Variants in OTOA observed in about 807,000 individuals in gnomAD.
The protein encoded by OTOA is otoancorin.
OTOA carries 70 observed loss-of-function variants against 110.8 expected under a neutral mutation model. The ratio of observed to expected loss-of-function variants is 0.63; its 90% CI spans 0.52 to 0.77. The LOEUF is 0.77. OTOA is among the 30% of genes least tolerant of loss of function. The pLI is 0.00. For synonymous variants in OTOA, 373 were observed against 431.5 expected (o/e 0.86, Z 1.68); for missense variants, 917 against 1,075.8 (o/e 0.85, Z 2.06).
In OTOA at chr16:21,696,190, G is replaced by T. The variant is rs1428110033; in HGVS notation, c.740-1585G>T. 6.6e-5 allele frequency among the ~76,000 whole-genome samples: 10 copies of T among 152,032 alleles called. No homozygotes were observed. The East Asian group carries it at 1.2e-3, about 18-fold the overall frequency. On this transcript the variant is annotated intron_variant, in intron 9 of 28. Transcript: ENST00000646100. ...TTACAGGCTTGAGCCACCGCACCTG[G>T]CTGACTTGATGGTTTTTAAAATTCC...
chr16:21,671,408 G>A (rs1240613484), intron 1 of OTOA, among the ~76,000 whole-genome samples: 1 of 151,612 alleles, frequency 6.6e-6, no homozygotes, highest in Non-Finnish European at 1.5e-5. Flanking sequence ...CCAACATGGT[G>A]GGAGCCTGTC....
chr16:21,675,560 C>G (rs1966856217), intron 1 of OTOA, among the ~76,000 whole-genome samples: 1 of 151,940 alleles, frequency 6.6e-6, no homozygotes, highest in African/African-American at 2.4e-5. Flanking sequence ...TTAATTTTTT[C>G]AGTCTTTTTC....
In OTOA at chr16:21,695,866, GAT is replaced by G. The variant is rs71151648; in HGVS notation, c.740-1884_740-1883del. Among the ~76,000 whole-genome samples the G allele has an allele frequency of 9.5e-4, 69 of 72,720 alleles. 3 individuals carry two copies. The highest frequency in any genetic ancestry group is 1.9e-3 in the African/African-American group (30 of 15,886). 47.7% of individuals were successfully genotyped at this position (72,720 alleles called of 152,430 possible). Reference sequence around the variant, plus strand: ...ACTTGAAGTCTGATCCTAGACTTGAGATATATATATATATATATATATATATT... The same window carrying G: ...ACTTGAAGTCTGATCCTAGACTTGAGATATATATATATATATATATATATT... On this transcript the variant is annotated intron_variant, in intron 9 of 28. Coordinates refer to ENST00000646100, the MANE Select transcript of OTOA (RefSeq NM_144672.4).
At chr16:21,736,803 C>T (rs1334766936) in intron 22 of OTOA, among the ~76,000 whole-genome samples, 2 of 152,254 alleles carry the variant, frequency 1.3e-5, no homozygotes, top group African/African-American at 4.8e-5. Flanking sequence ...TGCACTCCAG[C>T]CTGGGTGACA....
At position 21,687,510 on chromosome 16, in the gene OTOA, G is replaced by C. The variant is rs1365857107; in HGVS notation, c.497G>C (p.Arg166Thr). 2 of 1,614,056 alleles carry C rather than the reference G, an allele frequency of 1.2e-6. No homozygotes were observed. The highest frequency in any genetic ancestry group is 2.2e-5 in the East Asian group (1 of 44,874). Residue 166 changes from arginine (R) to threonine (T), a missense_variant, in exon 8 of 29, where the codon AGG (arginine) becomes ACG (threonine). Arg to Thr is a moderately conservative substitution (Grantham distance 71). Transcript: ENST00000646100. ...NRSLFLITLE[R>T]CFQMLNSLEC... is the part of the protein sequence containing the mutation. The stretch of plus-strand genomic sequence containing the variant: ...AGCCTGTTTCTCATCACACTGGAGA[G>C]GTGTTTCCAGATGCTGAACTCCCTG...
intron 1 of OTOA, among the ~76,000 whole-genome samples, chr16:21,670,741 G>A (rs1320179276): frequency 6.6e-6 from 1 of 152,154 alleles, no homozygotes; most frequent in East Asian, 1.9e-4. Context: ...TATTATAGCT[G>A]TGCTTGGTGC....
chr16:21,686,116 G>C (rs1020396451), intron 7 of OTOA, among the ~76,000 whole-genome samples: 2 of 152,166 alleles, frequency 1.3e-5, no homozygotes, highest in Middle Eastern at 3.4e-3. Flanking sequence ...ACTTAAAAAA[G>C]GTAAGTCATT....
intron 10 of OTOA, among the ~76,000 whole-genome samples, chr16:21,699,644 C>A (rs1020024279): frequency 6.7e-6 from 1 of 149,436 alleles, no homozygotes; most frequent in South Asian, 2.1e-4. Flanking sequence ...CTTGGCCGGG[C>A]GCAGTGGCTC....
chr16:21,722,155 G>T (rs566442154), intron 17 of OTOA, among the ~76,000 whole-genome samples: 7 of 150,260 alleles, frequency 4.7e-5, no homozygotes, highest in Non-Finnish European at 1.0e-4. Context: ...CTAGCTACTC[G>T]GGAGGCTGAC....
At position 21,731,618 on chromosome 16, in the gene OTOA, C is replaced by T. The variant is rs200073839; in HGVS notation, c.2301+688C>T. On this transcript the variant is annotated intron_variant, in intron 21 of 28. Transcript: ENST00000646100. ...TTAAGTCCTAGGTTGGAAGTTGGCA[C>T]GCTGTCACTTCTGCCACACTCCAAT... Among the ~76,000 whole-genome samples, 13 of 152,322 alleles carry T rather than the reference C, an allele frequency of 8.5e-5. No individual in the cohort carries two copies. In the East Asian group the frequency reaches 2.1e-3, roughly 25 times the overall value.
rs78690081 is a variant in OTOA, at chr16:21,723,238, G to C, written c.1880+260G>C. ...AGCCTGAATGAGTGTCAGTGAGGCA[G>C]GTCCCATCTGGCCTGGCTTTGCGGC... On this transcript the variant is annotated intron_variant, in intron 18 of 28. Transcript: ENST00000646100. Among the ~76,000 whole-genome samples the C allele has an allele frequency of 3.2e-3, 480 of 152,270 alleles. 3 individuals are homozygous for C. Among genetic ancestry groups the C allele is most frequent in the Middle Eastern group, 0.02 (6 of 294 alleles).
Position 21,728,258 on chromosome 16 carries a change from T to A in OTOA, c.2034T>A (p.Asp678Glu). The A allele has an allele frequency of 6.2e-7, 1 of 1,614,194 alleles. No homozygotes were observed. Among genetic ancestry groups the A allele is most frequent in the Non-Finnish European group, 8.5e-7 (1 of 1,180,014 alleles). ...VQQCLDDSIADEYTVDIMGNL... is the reference protein window; with the variant it reads ...VQQCLDDSIAEEYTVDIMGNL... Reference sequence around the variant, plus strand: ...GGGTTCAGGACGACTCCATTGCTGATGAGTACACTGTGGACATCATGGGGA... The same window carrying A: ...GGGTTCAGGACGACTCCATTGCTGAAGAGTACACTGTGGACATCATGGGGA... Residue 678 changes from aspartate (D) to glutamate (E), a missense_variant, in exon 20 of 29, where the codon GAT becomes GAA. Around this residue, in one of 6 missense-constraint regions of OTOA, gnomAD observed 840 missense variants for 910.2 expected, o/e 0.92. Transcript: ENST00000646100.
At chr16:21,759,019 CA>C (rs773509559) in intron 28 of OTOA, among the ~76,000 whole-genome samples, 8 of 151,370 alleles carry the variant, frequency 5.3e-5, no homozygotes, top group East Asian at 1.9e-4. Flanking sequence ...CAAACAGCAA[CA>C]AAAAAAACTT....
intron 18 of OTOA, among the ~76,000 whole-genome samples, chr16:21,726,064 A>T (rs1898904898): frequency 6.6e-6 from 1 of 152,006 alleles, no homozygotes; most frequent in African/African-American, 2.4e-5. Context: ...CTCACTTTCT[A>T]GTTATTCTCT....
At chr16:21,672,622 CA>C (rs3054190) in intron 1 of OTOA, among the ~76,000 whole-genome samples, 2,701 of 92,024 alleles carry the variant, frequency 0.029, 41 homozygotes, top group East Asian at 0.11. Context: ...GACTCCATCT[CA>C]AAAAAAAAAA....
chr16:21,669,918 G>A (rs1189964866), intron 1 of OTOA, among the ~76,000 whole-genome samples: 2 of 152,066 alleles, frequency 1.3e-5, no homozygotes, highest in Non-Finnish European at 2.9e-5. Flanking sequence ...TTGAGCTTAG[G>A]AGTTCGAGAC....
intron 17 of OTOA, among the ~76,000 whole-genome samples, chr16:21,720,095 A>G (rs1436697493): frequency 6.6e-6 from 1 of 152,032 alleles, no homozygotes; most frequent in Non-Finnish European, 1.5e-5. Flanking sequence ...AGCTGGAACT[A>G]AAGGCACACA....
In OTOA at chr16:21,679,075, C is replaced by T. The variant is rs774931605; in HGVS notation, c.151+9C>T. On this transcript the variant is annotated intron_variant, in intron 4 of 28. Coordinates refer to ENST00000646100, the MANE Select transcript of OTOA (RefSeq NM_144672.4). ...TGGAAGCTATCTGAATGGTAATGTG[C>T]CCCCTTGATCTCCACTTGCTTCTTC... 22 of 1,613,718 alleles carry T rather than the reference C, an allele frequency of 1.4e-5. No homozygotes were observed. In the South Asian group the frequency reaches 2.3e-4, roughly 17 times the overall value.
At chr16:21,664,650 C>A (rs530917064) in intron 1 of OTOA, among the ~76,000 whole-genome samples, 1 of 152,066 alleles carries the variant, frequency 6.6e-6, no homozygotes, top group South Asian at 2.1e-4. Flanking sequence ...TAAAGTAATG[C>A]CTACCTCATA....
Sources: gnomAD v4.1 joint callset for allele counts (sites outside exome capture counted in the v4.1 genomes callset) on GRCh38, gnomAD v4.1.1 for gene constraint, gnomAD v4.1.1 regional missense constraint, MANE v1.5 for transcripts, NCBI Gene and HGNC (gene_info 2026-07-23, HGNC 2026-07-21) for gene names.